The following LYPLAL1 variants were observed in gnomAD, a reference collection of about 807,000 sequenced individuals.
LYPLAL1 encodes the protein lysophospholipase like 1.
In LYPLAL1, 23 loss-of-function variants were observed where a neutral mutation model predicts 19.7. That is an observed-to-expected ratio of 1.17 (90% CI 0.84 to 1.65). The LOEUF is 1.65. Ranked by LOEUF, LYPLAL1 falls within the 40% of genes most tolerant of loss-of-function variation. LYPLAL1 has a pLI of 0.00. For synonymous variants in LYPLAL1, 119 were observed against 96.3 expected, an observed-to-expected ratio of 1.24 and a Z score of -1.38; for missense variants, 355 against 279.4, an observed-to-expected ratio of 1.27 and a Z score of -1.93.
chr1:219,184,419 A>T (rs892323040), intron 2 of LYPLAL1, among the ~76,000 whole-genome samples: 1 of 151,892 alleles, frequency 6.6e-6, no homozygotes, highest in African/African-American at 2.4e-5. Flanking sequence ...CTTACTTAGT[A>T]TATTCCTTAT....
At chr1:219,251,597 G>A in the LYPLAL1 span, among the ~76,000 whole-genome samples, 1 of 151,964 alleles carries the variant, frequency 6.6e-6, no homozygotes, top group Non-Finnish European at 1.5e-5. Flanking sequence ...TAAATGTGCA[G>A]CCTTATTTCG....
chr1:219,247,580 C>T, the LYPLAL1 span, among the ~76,000 whole-genome samples: 2 of 152,188 alleles, frequency 1.3e-5, no homozygotes, highest in Non-Finnish European at 2.9e-5. Context: ...GGACTATTAA[C>T]CAGAACTAGG....
chr1:219,342,125 C>T, the LYPLAL1 span, among the ~76,000 whole-genome samples: 1 of 152,108 alleles, frequency 6.6e-6, no homozygotes, highest in East Asian at 1.9e-4. Context: ...CATCCCTTTG[C>T]ATCTGGGTAT....
At chr1:219,338,611 C>CA in the LYPLAL1 span, among the ~76,000 whole-genome samples, 61 of 143,718 alleles carry the variant, frequency 4.2e-4, no homozygotes, top group South Asian at 8.8e-4. Flanking sequence ...GCACATGGTA[C>CA]AAAAAAAAAA....
the LYPLAL1 span, among the ~76,000 whole-genome samples, chr1:219,227,690 CT>C: frequency 1.3e-5 from 2 of 152,078 alleles, no homozygotes; most frequent in African/African-American, 4.8e-5. Flanking sequence ...AAAATTTAAT[CT>C]TAGGATTTTA....
chr1:219,426,601 C>CTT, the LYPLAL1 span, among the ~76,000 whole-genome samples: 2 of 146,504 alleles, frequency 1.4e-5, no homozygotes, highest in Admixed American at 1.4e-4. Context: ...CAGGTAGGTA[C>CTT]TTTTTTTTTT....
chr1:219,214,310 G>A (rs1473637005), downstream of LYPLAL1, among the ~76,000 whole-genome samples: 1 of 152,060 alleles, frequency 6.6e-6, no homozygotes, highest in Non-Finnish European at 1.5e-5. Flanking sequence ...CTATGTTCAC[G>A]AAAGATTTTG....
intron 2 of LYPLAL1, among the ~76,000 whole-genome samples, chr1:219,183,373 T>C (rs1360331989): frequency 6.6e-6 from 1 of 152,102 alleles, no homozygotes; most frequent in African/African-American, 2.4e-5. Flanking sequence ...CTTCTCTTTG[T>C]GGTTTGCATT....
chr1:219,317,984 T>C, the LYPLAL1 span, among the ~76,000 whole-genome samples: 24 of 152,210 alleles, frequency 1.6e-4, no homozygotes, highest in Non-Finnish European at 2.8e-4. Context: ...AATAGCAGAC[T>C]GATCAGACCC....
chr1:219,262,048 GTTCT>G, the LYPLAL1 span, among the ~76,000 whole-genome samples: 1 of 151,806 alleles, frequency 6.6e-6, no homozygotes, highest in East Asian at 1.9e-4. Flanking sequence ...ATATTTTTTT[GTTCT>G]TTCTTATTTG....
the LYPLAL1 span, among the ~76,000 whole-genome samples, chr1:219,286,467 T>G: frequency 2.0e-5 from 3 of 152,150 alleles, no homozygotes; most frequent in Admixed American, 1.3e-4. Context: ...GGGAGGTCAG[T>G]CAAGGTCACT....
chr1:219,313,521 TA>T, the LYPLAL1 span, among the ~76,000 whole-genome samples: 19 of 93,592 alleles, frequency 2.0e-4, no homozygotes, highest in South Asian at 7.9e-3. Context: ...GTTTTCTTTT[TA>T]AAAAAACTTT....
chr1:219,370,469 A>G, the LYPLAL1 span, among the ~76,000 whole-genome samples: 1 of 152,172 alleles, frequency 6.6e-6, no homozygotes, highest in African/African-American at 2.4e-5. Flanking sequence ...ATTATACAAA[A>G]TTGGAGACAG....
At chr1:219,430,309 A>G in the LYPLAL1 span, among the ~76,000 whole-genome samples, 3 of 149,584 alleles carry the variant, frequency 2.0e-5, no homozygotes, top group Non-Finnish European at 3.0e-5. Flanking sequence ...AAAAAAAAAA[A>G]GCTCTTTTCT....
intron 3 of LYPLAL1, among the ~76,000 whole-genome samples, chr1:219,209,005 C>G (rs573153078): frequency 6.6e-6 from 1 of 152,166 alleles, no homozygotes; most frequent in South Asian, 2.1e-4. Flanking sequence ...TTTGGAGAAT[C>G]TAATGTACAT....
At chr1:219,425,057 C>A in the LYPLAL1 span, among the ~76,000 whole-genome samples, 2 of 152,100 alleles carry the variant, frequency 1.3e-5, no homozygotes, top group Admixed American at 6.5e-5. Context: ...AAATTTATTT[C>A]TCATTGTTCT....
At chr1:219,261,491 C>A in the LYPLAL1 span, among the ~76,000 whole-genome samples, 3 of 152,168 alleles carry the variant, frequency 2.0e-5, no homozygotes, top group African/African-American at 2.4e-5. Flanking sequence ...ATACTAAATA[C>A]TAACTCATGA....
chr1:219,372,706 C>T, the LYPLAL1 span, among the ~76,000 whole-genome samples: 1 of 152,050 alleles, frequency 6.6e-6, no homozygotes, highest in Non-Finnish European at 1.5e-5. Flanking sequence ...TCAAGACTAA[C>T]CTGGGCAACA....
the LYPLAL1 span, among the ~76,000 whole-genome samples, chr1:219,393,444 A>G: frequency 1.3e-5 from 2 of 152,250 alleles, no homozygotes; most frequent in South Asian, 4.1e-4. Flanking sequence ...TGGATGCCAC[A>G]TAGGCACATG....
Sources: gnomAD v4.1 joint callset for allele counts (sites outside exome capture counted in the v4.1 genomes callset) on GRCh38, gnomAD v4.1.1 for gene constraint, MANE v1.5 for transcripts, NCBI Gene and HGNC (gene_info 2026-07-23, HGNC 2026-07-21) for gene names.